PREX2: variants seen among roughly 807,000 people sequenced by gnomAD.
PREX2 encodes the protein phosphatidylinositol-3,4,5-trisphosphate dependent Rac exchange factor 2, also known as phosphatidylinositol 3,4,5-trisphosphate-dependent Rac exchanger 2 protein.
In PREX2, 107 loss-of-function variants were observed where a neutral mutation model predicts 203.2. The ratio of observed to expected loss-of-function variants is 0.53; its 90% CI spans 0.45 to 0.62. The LOEUF (loss-of-function observed/expected upper bound fraction) is 0.62, where lower values mean the gene tolerates loss of function less well. Among genes scored for constraint, PREX2 ranks in the 20% least tolerant of loss-of-function variants. The pLI is 0.00. For synonymous variants in PREX2, 672 were observed against 663.6 expected, an observed-to-expected ratio of 1.01 and a Z score of -0.19; for missense variants, 1,777 against 1,955.9, an observed-to-expected ratio of 0.91 and a Z score of 1.72.
chr8:68,197,962 C>T (rs1046435908), intron 37 of PREX2, among the ~76,000 whole-genome samples: 5 of 151,762 alleles, frequency 3.3e-5, no homozygotes, highest in African/African-American at 4.8e-5. Flanking sequence ...AACTACAGAG[C>T]GGCATCTTTC....
intron 39 of PREX2, among the ~76,000 whole-genome samples, chr8:68,230,535 G>T (rs1022178979): frequency 6.6e-6 from 1 of 152,144 alleles, no homozygotes; most frequent in African/African-American, 2.4e-5. Flanking sequence ...CTATCAAGCA[G>T]CTATTATGTT....
intron 1 of PREX2, among the ~76,000 whole-genome samples, chr8:68,010,067 A>C (rs1389479117): frequency 6.6e-6 from 1 of 152,230 alleles, no homozygotes; most frequent in African/African-American, 2.4e-5. Flanking sequence ...TTGAGGACAT[A>C]GACAACAATC....
chr8:67,994,884 C>T (rs1464507751), intron 1 of PREX2, among the ~76,000 whole-genome samples: 1 of 152,152 alleles, frequency 6.6e-6, no homozygotes, highest in Non-Finnish European at 1.5e-5. Context: ...GGAGAGGAGG[C>T]AGGGGTTAGA....
chr8:68,204,969 C>T (rs1487902017), intron 37 of PREX2, among the ~76,000 whole-genome samples: 3 of 152,052 alleles, frequency 2.0e-5, no homozygotes, highest in African/African-American at 7.2e-5. Flanking sequence ...GCATGAGCCA[C>T]CACGCCCGGC....
intron 1 of PREX2, among the ~76,000 whole-genome samples, chr8:67,983,279 C>T (rs1806323271): frequency 1.4e-5 from 1 of 73,606 alleles, no homozygotes; most frequent in East Asian, 8.2e-4. Context: ...TACCTTGGCC[C>T]TGCCCCACAA....
chr8:68,087,663 G>A (rs186737244), intron 18 of PREX2, 61 bp from the exon 19 acceptor site: 20 of 1,183,250 alleles, frequency 1.7e-5, no homozygotes, highest in East Asian at 4.7e-5. Flanking sequence ...TGTACACGAC[G>A]ATTATTTCAA....
intron 1 of PREX2, among the ~76,000 whole-genome samples, chr8:67,985,408 A>C (rs1466936561): frequency 2.0e-5 from 3 of 152,214 alleles, no homozygotes; most frequent in Non-Finnish European, 4.4e-5. Flanking sequence ...TAACACAAGC[A>C]GTTTTTAGAT....
intron 24 of PREX2, 49 bp from the exon 25 acceptor site, chr8:68,109,367 G>T: frequency 7.2e-7 from 1 of 1,395,726 alleles, no homozygotes; most frequent in Admixed American, 2.1e-5. Flanking sequence ...GGTTGTTATC[G>T]CAAGTTAAAG....
chr8:67,973,500 CT>C (rs1244535253), intron 1 of PREX2, among the ~76,000 whole-genome samples: 1 of 152,120 alleles, frequency 6.6e-6, no homozygotes, highest in Non-Finnish European at 1.5e-5. Context: ...ACTTGAATAT[CT>C]TTTCTTCTTT....
Position 68,105,419 on chromosome 8 carries a change from G to C in PREX2, c.2716-2690G>C, listed in dbSNP as rs919671919. ...TAGACACAGTACACAGCCCTTCCTA[G>C]CATGTGGGCAGGGGGACATCCTGTA... On this transcript the variant is annotated intron_variant, in intron 23 of 39. Transcript: ENST00000288368. 3 of 1,263,970 alleles carry C rather than the reference G, an allele frequency of 2.4e-6. No homozygotes were observed. In the African/African-American group the frequency reaches 4.6e-5, roughly 20 times the overall value. 78.3% of individuals were successfully genotyped at this position (1,263,970 alleles called of 1,614,324 possible).
chr8:68,083,713 C>T (rs1217914595), intron 18 of PREX2, among the ~76,000 whole-genome samples: 8 of 152,136 alleles, frequency 5.3e-5, no homozygotes, highest in Non-Finnish European at 1.2e-4. Flanking sequence ...CTGTGTTTCT[C>T]CATGTTCGGC....
At chr8:68,098,972 A>ATATATATATATATG (rs1810178541) in intron 22 of PREX2, among the ~76,000 whole-genome samples, 4 of 142,980 alleles carry the variant, frequency 2.8e-5, no homozygotes, top group African/African-American at 1.1e-4. Flanking sequence ...ATATATATAT[A>ATATATATATATATG]TATATCTCAC....
intron 4 of PREX2, among the ~76,000 whole-genome samples, chr8:68,024,154 A>G (rs1421229264): frequency 6.6e-6 from 1 of 152,050 alleles, no homozygotes; most frequent in Admixed American, 6.6e-5. Context: ...TTTCTAGTTC[A>G]TATGATATGA....
chr8:68,103,483 C>A, intron 23 of PREX2: 1 of 507,370 alleles, frequency 2.0e-6, no homozygotes, highest in South Asian at 1.4e-5. Flanking sequence ...TTCGTGTCAG[C>A]GTACAAATAT....
chr8:68,105,981 T>G (rs1440349539), intron 23 of PREX2: 2 of 165,768 alleles, frequency 1.2e-5, no homozygotes, highest in Non-Finnish European at 2.6e-5. Context: ...AACCTAGTAA[T>G]TGCAATAAAC....
At chr8:67,994,991 A>G (rs918261187) in intron 1 of PREX2, among the ~76,000 whole-genome samples, 1 of 152,268 alleles carries the variant, frequency 6.6e-6, no homozygotes, top group East Asian at 1.9e-4. Flanking sequence ...AAGCATTTTT[A>G]GGAGAGAAGT....
Position 67,952,481 on chromosome 8 carries a change from C to A in PREX2, c.87C>A (p.Ser29Arg), listed in dbSNP as rs759899362. Residue 29 changes from serine (S) to arginine (R), a missense_variant, in exon 1 of 40, where the codon AGC becomes AGA. Ser to Arg is a moderately radical substitution (Grantham distance 110, BLOSUM62 -1). Coordinates refer to ENST00000288368, the MANE Select transcript of PREX2 (RefSeq NM_024870.4). ...KQLRLRVCVL[S>R]ELQKTERDYV... ...TTCGCCTGCGCGTGTGCGTGCTCAG[C>A]GAGCTCCAGAAGACCGAGCGGGACT... 6.8e-6 allele frequency: 11 copies of A among 1,606,702 alleles called. No homozygotes were observed. The highest frequency in any genetic ancestry group is 9.3e-6 in the Non-Finnish European group (11 of 1,176,928).
intron 11 of PREX2, among the ~76,000 whole-genome samples, chr8:68,063,404 GGCTATTAAAAAAA>G (rs1808918630): frequency 6.6e-6 from 1 of 152,018 alleles, no homozygotes; most frequent in Non-Finnish European, 1.5e-5. Context: ...GAAGTGTACA[GGCTATTAAAAAAA>G]CACAAAACAC....
chr8:68,119,343 A>G lies in PREX2; in HGVS notation c.3422-89A>G. ...GAATAACAGCTTGTGTTTAATTTTT[A>G]CATTTTATTGAATATTACAATATTT... On this transcript the variant is annotated intron_variant, in intron 27 of 39. Coordinates refer to ENST00000288368, the MANE Select transcript of PREX2 (RefSeq NM_024870.4). 16 of 831,504 alleles carry G rather than the reference A, an allele frequency of 1.9e-5. No homozygotes were observed. The South Asian group carries it at 2.3e-4, about 12-fold the overall frequency. 51.5% of individuals were successfully genotyped at this position (831,504 alleles called of 1,614,324 possible).
Sources: gnomAD v4.1 joint callset for allele counts (sites outside exome capture counted in the v4.1 genomes callset) on GRCh38, gnomAD v4.1.1 for gene constraint, MANE v1.5 for transcripts, NCBI Gene and HGNC (gene_info 2026-07-23, HGNC 2026-07-21) for gene names.